The following TOPAZ1 variants were observed in gnomAD, a reference collection of about 807,000 sequenced individuals.
The protein encoded by TOPAZ1 is protein TOPAZ1.
In TOPAZ1, 66 loss-of-function variants were observed where a neutral mutation model predicts 172.2. The ratio of observed to expected loss-of-function variants is 0.38; its 90% CI spans 0.31 to 0.47. The LOEUF is 0.47. Among genes scored for constraint, TOPAZ1 ranks in the 20% least tolerant of loss-of-function variants. The pLI, the probability that TOPAZ1 is intolerant of heterozygous loss-of-function variation, is 0.99. For missense variants in TOPAZ1, 1,822 were observed against 1,972.4 expected (o/e 0.92, Z 1.44); for synonymous variants, 681 against 683.9 (o/e 1.00, Z 0.07).
intron 2 of TOPAZ1, among the ~76,000 whole-genome samples, chr3:44,251,989 C>T (rs537224913): frequency 2.0e-5 from 3 of 152,028 alleles, no homozygotes; most frequent in African/African-American, 7.2e-5. Context: ...GTGAATTTAA[C>T]TTTTTGTCTC....
chr3:44,243,940 G>A lies in TOPAZ1; in HGVS notation c.1434G>A (p.Leu478=). ...REDLRSASEE[L]KLSCQRTIPM... is the part of the protein sequence containing the mutation. The stretch of plus-strand genomic sequence containing the variant: ...ACTTAAGAAGTGCATCTGAAGAATT[G>A]AAGTTAAGCTGTCAGAGAACAATAC... The change falls in exon 2 of 20, where the codon TTG becomes TTA. Residue 478 remains leucine (L), a synonymous_variant. Transcript: ENST00000309765. The A allele has an allele frequency of 6.4e-7, 1 of 1,552,330 alleles. No individual in the cohort carries two copies. Among genetic ancestry groups the A allele is most frequent in the Non-Finnish European group, 8.7e-7 (1 of 1,147,088 alleles).
chr3:44,245,325 A>G (rs1699551348), intron 2 of TOPAZ1, 54 bp downstream of exon 2: 2 of 1,451,260 alleles, frequency 1.4e-6, no homozygotes, highest in Admixed American at 2.8e-5. Context: ...TTAGAAAAGC[A>G]GTCTCTTAAG....
intron 17 of TOPAZ1, 87 bp downstream of exon 17, chr3:44,321,278 T>C (rs1370799563): frequency 3.2e-6 from 3 of 924,126 alleles, no homozygotes; most frequent in Admixed American, 3.6e-5. Flanking sequence ...CCTGTTTTGA[T>C]TGAGTTTTAT....
At chr3:44,245,495 G>T (rs1467010474) in intron 2 of TOPAZ1, among the ~76,000 whole-genome samples, 3 of 144,540 alleles carry the variant, frequency 2.1e-5, no homozygotes, top group Admixed American at 2.1e-4. Flanking sequence ...AGATAGAAAA[G>T]ATTAGCTGTT....
chr3:44,305,109 C>A, intron 13 of TOPAZ1, 38 bp from the exon 14 acceptor site: 15 of 1,400,482 alleles, frequency 1.1e-5, no homozygotes, highest in Non-Finnish European at 1.3e-5. Flanking sequence ...AGTTTTCATT[C>A]TTTTTCTTTT....
In TOPAZ1 at chr3:44,244,215, A is replaced by G. The variant is rs776707754; in HGVS notation, c.1709A>G (p.Asn570Ser). ...SSKEKLDSNS[N>S]CLSSVSAVEP... is the part of the protein sequence containing the mutation. ...AAAGAAAAATTAGATTCTAATTCTA[A>G]TTGTTTGTCTTCAGTTTCTGCAGTA... is the stretch of plus-strand genomic sequence containing the variant. The change falls in exon 2 of 20, where the codon AAT becomes AGT. Residue 570 changes from asparagine to serine, a missense_variant. Coordinates refer to ENST00000309765, the MANE Select transcript of TOPAZ1 (RefSeq NM_001145030.2). The G allele has an allele frequency of 6.5e-7, 1 of 1,549,798 alleles. No homozygotes were observed. Among genetic ancestry groups the G allele is most frequent in the Non-Finnish European group, 8.7e-7 (1 of 1,146,052 alleles).
chr3:44,267,934 A>G (rs1212293264), intron 6 of TOPAZ1, among the ~76,000 whole-genome samples: 1 of 152,246 alleles, frequency 6.6e-6, no homozygotes, highest in Non-Finnish European at 1.5e-5. Flanking sequence ...TACAGTTTTC[A>G]TAATGCAAAT....
At chr3:44,309,533 G>A (rs1355487488) in intron 15 of TOPAZ1, among the ~76,000 whole-genome samples, 1 of 152,218 alleles carries the variant, frequency 6.6e-6, no homozygotes, top group Non-Finnish European at 1.5e-5. Context: ...GAAATCTTAA[G>A]GAGAAGTACA....
At chr3:44,273,091 A>T (rs1456811928) in intron 8 of TOPAZ1, among the ~76,000 whole-genome samples, 2 of 152,192 alleles carry the variant, frequency 1.3e-5, no homozygotes, top group Non-Finnish European at 2.9e-5. Flanking sequence ...CCATTCAAGT[A>T]ATTTCTCTAC....
At chr3:44,270,894 C>T (rs1699888802) in intron 8 of TOPAZ1, 84 bp downstream of exon 8, 1 of 1,272,078 alleles carries the variant, frequency 7.9e-7, no homozygotes, top group East Asian at 2.7e-5. Context: ...TCATTGACTC[C>T]TAATAGCATA....
chr3:44,268,366 CTTTTTTTT>C (rs34027226), intron 6 of TOPAZ1, among the ~76,000 whole-genome samples: 2 of 67,472 alleles, frequency 3.0e-5, no homozygotes, highest in African/African-American at 1.1e-4. Flanking sequence ...GGTGCCTATT[CTTTTTTTT>C]TTTTTTTTTT....
At chr3:44,278,074 G>A (rs1699983506) in intron 8 of TOPAZ1, among the ~76,000 whole-genome samples, 1 of 152,118 alleles carries the variant, frequency 6.6e-6, no homozygotes, top group South Asian at 2.1e-4. Context: ...AGTTTATTGA[G>A]ATTTTTATCA....
At position 44,258,660 on chromosome 3, in the gene TOPAZ1, G is replaced by A. The variant is rs185254622; in HGVS notation, c.2955+2382G>A. ...TATCGGTAGTTCATTCATTTTTACT[G>A]TTTGGTAATACTCCATGGTATAAGT... On this transcript the variant is annotated intron_variant, in intron 4 of 19. Coordinates refer to ENST00000309765, the MANE Select transcript of TOPAZ1 (RefSeq NM_001145030.2). Among the ~76,000 whole-genome samples, 9 of 151,752 alleles carry A rather than the reference G, an allele frequency of 5.9e-5. No homozygotes were observed. In the East Asian group the frequency reaches 1.5e-3, roughly 26 times the overall value.
chr3:44,243,125 C>G lies in TOPAZ1; in HGVS notation c.619C>G (p.Pro207Ala). Residue 207 changes from proline (P) to alanine (A), a missense_variant, in exon 2 of 20, where the codon CCA becomes GCA. Coordinates refer to ENST00000309765, the MANE Select transcript of TOPAZ1 (RefSeq NM_001145030.2). ...EFQDELYKNT[P>A]KYSCNILSPE... ...CCAAGATGAACTGTACAAGAATACT[C>G]CAAAATATTCTTGTAATATCTTGTC... The G allele has an allele frequency of 1.3e-6, 2 of 1,549,172 alleles. No homozygotes were observed. The highest frequency in any genetic ancestry group is 1.7e-6 in the Non-Finnish European group (2 of 1,145,498).
chr3:44,264,815 A>G (rs6441827), intron 5 of TOPAZ1, among the ~76,000 whole-genome samples: 70,145 of 152,094 alleles, frequency 0.46, 17,406 homozygotes, highest in East Asian at 0.81. Context: ...TCAGGAGTAG[A>G]TTTCATCTCA....
intron 9 of TOPAZ1, among the ~76,000 whole-genome samples, chr3:44,283,211 TA>T (rs1181705713): frequency 2.6e-5 from 4 of 152,146 alleles, no homozygotes; most frequent in Non-Finnish European, 5.9e-5. Flanking sequence ...ACCTGTAGAA[TA>T]AATGTAGAAA....
chr3:44,318,099 G>C (rs895708801), intron 16 of TOPAZ1, among the ~76,000 whole-genome samples: 3 of 152,118 alleles, frequency 2.0e-5, no homozygotes, highest in Non-Finnish European at 4.4e-5. Context: ...CTGTGGCCCG[G>C]GGTGATGAAG....
chr3:44,253,554 C>T (rs1350094174), intron 2 of TOPAZ1, among the ~76,000 whole-genome samples: 1 of 152,068 alleles, frequency 6.6e-6, no homozygotes, highest in East Asian at 1.9e-4. Context: ...TGCAAAAAAG[C>T]TGTATTGGGG....
At chr3:44,251,921 TG>T (rs1170498037) in intron 2 of TOPAZ1, among the ~76,000 whole-genome samples, 6 of 152,208 alleles carry the variant, frequency 3.9e-5, no homozygotes, top group African/African-American at 1.4e-4. Flanking sequence ...AATGCAAAAC[TG>T]TAAAATATTT....
Sources: gnomAD v4.1 joint callset for allele counts (sites outside exome capture counted in the v4.1 genomes callset) on GRCh38, gnomAD v4.1.1 for gene constraint, MANE v1.5 for transcripts, NCBI Gene and HGNC (gene_info 2026-07-23, HGNC 2026-07-21) for gene names.